The following SAMD12 variants were observed in gnomAD, a reference collection of about 807,000 sequenced individuals.
SAMD12 encodes the protein sterile alpha motif domain-containing protein 12.
In SAMD12, 9 loss-of-function variants were observed where a neutral mutation model predicts 15.0. The observed-to-expected ratio is 0.60, with a 90% CI of 0.36 to 1.05. The LOEUF (loss-of-function observed/expected upper bound fraction) is 1.05. Among genes scored for constraint, SAMD12 ranks in the 50% least tolerant of loss-of-function variants. The probability of loss-of-function intolerance (pLI) is 0.01; values close to 1 mark genes in which losing one functional copy is unlikely to be tolerated. For synonymous variants in SAMD12, 86 were observed against 90.1 expected (o/e 0.96, Z 0.25); for missense variants, 230 against 234.2 (o/e 0.98, Z 0.12).
the SAMD12 span, among the ~76,000 whole-genome samples, chr8:118,154,905 G>A: frequency 1.7e-4 from 26 of 152,310 alleles, no homozygotes; most frequent in African/African-American, 5.8e-4. Flanking sequence ...AGCCTAGCAA[G>A]GGACCAGTTT....
rs117412067 is a variant in SAMD12, at chr8:118,346,104, C to T, written c.433+33456G>A. Reference sequence around the variant, plus strand: ...AATTATCGAGGGATGTCACAGGCTCCGGCATGAGGCCCCAAAAGCCATATA... The same window carrying T: ...AATTATCGAGGGATGTCACAGGCTCTGGCATGAGGCCCCAAAAGCCATATA... On this transcript the variant is annotated intron_variant, in intron 4 of 4. Transcript: ENST00000409003. Among the ~76,000 whole-genome samples, 1,006 of 152,258 alleles carry T rather than the reference C, an allele frequency of 6.6e-3. 8 individuals carry two copies. The highest frequency in any genetic ancestry group is 7.7e-3 in the Non-Finnish European group (524 of 68,034).
At chr8:118,319,594 C>G (rs1303589150) in intron 4 of SAMD12, among the ~76,000 whole-genome samples, 1 of 152,132 alleles carries the variant, frequency 6.6e-6, no homozygotes, top group East Asian at 1.9e-4. Flanking sequence ...TGCTCCAACC[C>G]TTATACTTAG....
intron 4 of SAMD12, among the ~76,000 whole-genome samples, chr8:118,301,207 G>A (rs1376050963): frequency 6.6e-6 from 1 of 152,162 alleles, no homozygotes; most frequent in African/African-American, 2.4e-5. Flanking sequence ...AAAAGGTGGT[G>A]GGGTCACTAG....
chr8:118,579,507 C>A (rs1181771948), intron 2 of SAMD12, among the ~76,000 whole-genome samples: 2 of 152,292 alleles, frequency 1.3e-5, no homozygotes, highest in East Asian at 3.9e-4. Flanking sequence ...TTCCCTACCA[C>A]ACACACATAC....
rs534575365 is a variant in SAMD12, at chr8:118,214,174, T to C, written c.434-16442A>G. Among the ~76,000 whole-genome samples the C allele has an allele frequency of 2.0e-5, 3 of 152,326 alleles. No individual in the cohort carries two copies. In the South Asian group the frequency reaches 6.2e-4, roughly 32 times the overall value. ...GATCTCAGTCATAGGTTATTCAGAATGGCATCCGAAGAAGAAACAGAATAT... is the reference window on the plus strand; with the variant it reads ...GATCTCAGTCATAGGTTATTCAGAACGGCATCCGAAGAAGAAACAGAATAT... On this transcript the variant is annotated intron_variant, in intron 4 of 4. Coordinates refer to the SAMD12 transcript ENST00000409003.
At chr8:118,621,731 G>A (rs1828413539) in intron 1 of SAMD12, 73 bp downstream of exon 1, 1 of 1,559,766 alleles carries the variant, frequency 6.4e-7, no homozygotes, top group Admixed American at 1.7e-5. Context: ...CGATCGCCAA[G>A]CTTCATCGGG....
chr8:118,261,508 T>A (rs1813076725), intron 4 of SAMD12, among the ~76,000 whole-genome samples: 3 of 152,140 alleles, frequency 2.0e-5, no homozygotes, highest in African/African-American at 7.2e-5. Flanking sequence ...ACACATTAAA[T>A]GATCGTCAGA....
intron 4 of SAMD12, among the ~76,000 whole-genome samples, chr8:118,276,385 C>T (rs117466181): frequency 0.011 from 1,687 of 152,274 alleles, 16 homozygotes; most frequent in South Asian, 0.045. Flanking sequence ...CTCTAGTATA[C>T]TACTTGTTGC....
downstream of SAMD12, among the ~76,000 whole-genome samples, chr8:118,187,404 C>T (rs1042993043): frequency 7.2e-5 from 11 of 152,124 alleles, no homozygotes; most frequent in Non-Finnish European, 4.4e-5. Context: ...AGAAAAAAAT[C>T]TCCTCAACCA....
In SAMD12 at chr8:118,379,316, C is replaced by G; in HGVS notation, c.*101G>C. On this transcript the variant is annotated 3_prime_UTR_variant, in exon 4 of 4. Transcript: ENST00000314727. Reference sequence around the variant, plus strand: ...CAATCCATACAACTGTACGTGACCACCTTGAAGTTAGCTCAGGTAATTCTG... The same window carrying G: ...CAATCCATACAACTGTACGTGACCAGCTTGAAGTTAGCTCAGGTAATTCTG... 2 of 1,496,258 alleles carry G rather than the reference C, an allele frequency of 1.3e-6. No homozygotes were observed. The highest frequency in any genetic ancestry group is 1.8e-6 in the Non-Finnish European group (2 of 1,127,176). The allele number at this position is 1,496,258 out of a possible 1,614,324, so 92.7% of individuals were successfully genotyped here.
intron 4 of SAMD12, among the ~76,000 whole-genome samples, chr8:118,324,899 C>T (rs982744029): frequency 1.3e-5 from 2 of 152,084 alleles, no homozygotes; most frequent in African/African-American, 4.8e-5. Context: ...TCCAGTGCTG[C>T]CTAGAACAGT....
intron 4 of SAMD12, among the ~76,000 whole-genome samples, chr8:118,356,909 T>C (rs2130620782): frequency 6.6e-6 from 1 of 152,298 alleles, no homozygotes; most frequent in Non-Finnish European, 1.5e-5. Flanking sequence ...CAAGTTCTAT[T>C]GATCCTATCT....
chr8:118,585,308 G>C (rs925548171), intron 1 of SAMD12, among the ~76,000 whole-genome samples: 8 of 152,166 alleles, frequency 5.3e-5, no homozygotes, highest in Non-Finnish European at 1.2e-4. Context: ...GAAGTTATTG[G>C]TAAGTTATGG....
At chr8:118,477,819 C>T (rs1824001913) in intron 2 of SAMD12, among the ~76,000 whole-genome samples, 1 of 151,920 alleles carries the variant, frequency 6.6e-6, no homozygotes, top group African/African-American at 2.4e-5. Context: ...CGAGACCATC[C>T]TGGCTAACAC....
intron 4 of SAMD12, among the ~76,000 whole-genome samples, chr8:118,364,197 G>T (rs1157413560): frequency 6.6e-6 from 1 of 152,124 alleles, no homozygotes; most frequent in Non-Finnish European, 1.5e-5. Context: ...CCAAGCACAG[G>T]AAATTGTAGA....
At chr8:118,570,721 C>T (rs1185835090) in intron 2 of SAMD12, among the ~76,000 whole-genome samples, 1 of 148,724 alleles carries the variant, frequency 6.7e-6, no homozygotes, top group African/African-American at 2.6e-5. Context: ...ATATTATACC[C>T]AGTTATGAGA....
chr8:118,315,357 T>C (rs1815839073), intron 4 of SAMD12, among the ~76,000 whole-genome samples: 1 of 152,206 alleles, frequency 6.6e-6, no homozygotes, highest in Non-Finnish European at 1.5e-5. Flanking sequence ...GATATTCACC[T>C]TGAAATTATA....
chr8:118,502,472 GT>G (rs1184693753), intron 2 of SAMD12, among the ~76,000 whole-genome samples: 1 of 152,142 alleles, frequency 6.6e-6, no homozygotes, highest in Middle Eastern at 3.2e-3. Flanking sequence ...TTGCCAGCCT[GT>G]CTTACAATCT....
intron 2 of SAMD12, among the ~76,000 whole-genome samples, chr8:118,485,697 G>A (rs1824257601): frequency 6.6e-6 from 1 of 152,168 alleles, no homozygotes; most frequent in Admixed American, 6.5e-5. Flanking sequence ...TCTGATTTCA[G>A]TAATATGGAT....
Sources: allele counts gnomAD v4.1 joint callset (sites outside exome capture counted in the v4.1 genomes callset), GRCh38; gene constraint gnomAD v4.1.1; transcripts MANE v1.5; gene names NCBI Gene and HGNC (gene_info 2026-07-23, HGNC 2026-07-21).